IFT81: variants seen among roughly 807,000 people sequenced by gnomAD.
IFT81 encodes intraflagellar transport protein 81 homolog.
Under a neutral mutation model 102.6 loss-of-function variants are expected in IFT81, and 72 were observed. That is an observed-to-expected ratio of 0.70 (90% CI 0.58 to 0.85). IFT81 has a LOEUF of 0.85. Ranked by LOEUF, IFT81 falls within the 40% of genes least tolerant of loss-of-function variation. The probability of loss-of-function intolerance (pLI) is 0.00; values close to 1 mark genes in which losing one functional copy is unlikely to be tolerated. For missense variants in IFT81, 723 were observed against 787.3 expected, an observed-to-expected ratio of 0.92 and a Z score of 0.98; for synonymous variants, 237 against 242.7, an observed-to-expected ratio of 0.98 and a Z score of 0.22.
At chr12:110,163,201 G>A in intron 11 of IFT81, 136 bp downstream of exon 11, 1 of 648,788 alleles carries the variant, frequency 1.5e-6, no homozygotes, top group East Asian at 2.9e-5. Flanking sequence ...TAAAACTGAA[G>A]AGTCTTTTTG....
At chr12:110,157,068 G>T (rs114311027) in intron 10 of IFT81, among the ~76,000 whole-genome samples, 1 of 151,510 alleles carries the variant, frequency 6.6e-6, no homozygotes, top group Non-Finnish European at 1.5e-5. Flanking sequence ...AGGCCTTAGA[G>T]GCCAGACACG....
intron 14 of IFT81, among the ~76,000 whole-genome samples, chr12:110,199,351 T>C (rs1898157066): frequency 6.6e-6 from 1 of 152,168 alleles, no homozygotes; most frequent in Admixed American, 6.5e-5. Flanking sequence ...ATGGAAGGTG[T>C]ACACCTCTAC....
At chr12:110,198,895 C>A (rs182157890) in intron 14 of IFT81, among the ~76,000 whole-genome samples, 1 of 151,630 alleles carries the variant, frequency 6.6e-6, no homozygotes, top group Non-Finnish European at 1.5e-5. Context: ...CTGCAACCTC[C>A]GTGTCCCGGG....
intron 12 of IFT81, among the ~76,000 whole-genome samples, chr12:110,184,175 C>G (rs922447833): frequency 2.0e-5 from 3 of 152,010 alleles, no homozygotes; most frequent in African/African-American, 7.3e-5. Flanking sequence ...ACGGTGAAAC[C>G]CTGTATTTAC....
At chr12:110,159,409 A>G (rs897052499) in intron 10 of IFT81, among the ~76,000 whole-genome samples, 1 of 152,150 alleles carries the variant, frequency 6.6e-6, no homozygotes, top group African/African-American at 2.4e-5. Context: ...GCAGTGAGCC[A>G]AGATTGGGCC....
At chr12:110,169,406 G>C (rs1197071849) in intron 11 of IFT81, among the ~76,000 whole-genome samples, 2 of 152,114 alleles carry the variant, frequency 1.3e-5, no homozygotes, top group African/African-American at 4.8e-5. Context: ...AGTTCTCCCA[G>C]TGAATCACTG....
intron 11 of IFT81, chr12:110,167,827 A>T: frequency 3.2e-5 from 9 of 281,234 alleles, no homozygotes; most frequent in South Asian, 9.4e-5. Flanking sequence ...TGTAAGTACA[A>T]TTTTTTTTTA....
chr12:110,145,127 G>A (rs1895143810), intron 9 of IFT81, among the ~76,000 whole-genome samples: 1 of 148,400 alleles, frequency 6.7e-6, no homozygotes, highest in Non-Finnish European at 1.5e-5. Flanking sequence ...CCATCTCCCA[G>A]GCTCAAGTGA....
chr12:110,207,336 A>C (rs1426089659), intron 17 of IFT81, among the ~76,000 whole-genome samples: 1 of 152,172 alleles, frequency 6.6e-6, no homozygotes, highest in Middle Eastern at 3.2e-3. Flanking sequence ...CTGGGATTAC[A>C]GGCATGAGCC....
At position 110,129,203 on chromosome 12, in the gene IFT81, C is replaced by CT. The variant is rs927619375; in HGVS notation, c.429+80dup. 2.5e-5 allele frequency: 29 copies of CT among 1,155,938 alleles called. No individual in the cohort carries two copies. In the African/African-American group the frequency reaches 4.0e-4, roughly 16 times the overall value. The allele number at this position is 1,155,938 out of a possible 1,614,324, so 71.6% of individuals were successfully genotyped here. A position where few individuals can be genotyped will look rare whatever the true frequency, so the allele number is the denominator to read the frequency against. On this transcript the variant is annotated intron_variant, in intron 4 of 18. Coordinates refer to ENST00000242591, the MANE Select transcript of IFT81 (RefSeq NM_014055.4). Reference sequence around the variant, plus strand: ...TGTATATATTCAAATACATGTTACTCTTTTTTTATTTGCTGTCTTTGTAGT... The same window carrying CT: ...TGTATATATTCAAATACATGTTACTCTTTTTTTTATTTGCTGTCTTTGTAGT...
intron 10 of IFT81, among the ~76,000 whole-genome samples, chr12:110,152,729 A>G (rs1324433195): frequency 6.6e-6 from 1 of 151,860 alleles, no homozygotes; most frequent in Non-Finnish European, 1.5e-5. Flanking sequence ...CAGTCTCCCA[A>G]GTAGCTGAGA....
At chr12:110,155,007 T>G (rs1895762189) in intron 10 of IFT81, among the ~76,000 whole-genome samples, 1 of 150,208 alleles carries the variant, frequency 6.7e-6, no homozygotes, top group African/African-American at 2.4e-5. Flanking sequence ...AATTGTCTTT[T>G]TCTGTGTTCA....
At chr12:110,126,793 A>G (rs1593270091) in intron 1 of IFT81, among the ~76,000 whole-genome samples, 1 of 152,206 alleles carries the variant, frequency 6.6e-6, no homozygotes, top group Admixed American at 6.5e-5. Flanking sequence ...GTGGATGCCT[A>G]CCGGCCACAC....
intron 7 of IFT81, 124 bp downstream of exon 7, chr12:110,135,561 C>G (rs959455012): frequency 1.7e-6 from 1 of 596,330 alleles, no homozygotes; most frequent in Non-Finnish European, 3.0e-6. Flanking sequence ...TAATGGAATA[C>G]TCTTTTAATT....
chr12:110,204,372 AT>A (rs752042814), intron 15 of IFT81: 1 of 157,172 alleles, frequency 6.4e-6, no homozygotes, highest in Non-Finnish European at 1.4e-5. Flanking sequence ...CCTAAGGTTT[AT>A]TCTTCATAGG....
chr12:110,158,700 C>T (rs1238413072), intron 10 of IFT81, among the ~76,000 whole-genome samples: 1 of 152,190 alleles, frequency 6.6e-6, no homozygotes, highest in Non-Finnish European at 1.5e-5. Flanking sequence ...CGCCATTCTC[C>T]TGCCTCAGCC....
chr12:110,218,138 G>A lies in IFT81; in HGVS notation c.1943G>A (p.Cys648Tyr), dbSNP rs150790899. The A allele has an allele frequency of 6.3e-7, 1 of 1,595,130 alleles. No homozygotes were observed. The highest frequency in any genetic ancestry group is 2.2e-5 in the East Asian group (1 of 44,460). The change falls in exon 19 of 19, where the codon TGT (cysteine) becomes TAT (tyrosine). Residue 648 changes from cysteine to tyrosine, a missense_variant. Physicochemically the swap from Cys to Tyr is radical, Grantham distance 194. Coordinates refer to ENST00000242591, the MANE Select transcript of IFT81 (RefSeq NM_014055.4). ...CGTGATTTGGAACAATTAATGGAATGTAAGAAACAGTGCTTTCTGAAACAA... is the reference window on the plus strand; with the variant it reads ...CGTGATTTGGAACAATTAATGGAATATAAGAAACAGTGCTTTCTGAAACAA... The part of the protein sequence containing the change: ...MWRDLEQLME[C>Y]KKQCFLKQQS...
chr12:110,124,984 C>G (rs1479499841), intron 1 of IFT81, 123 bp downstream of exon 1: 1 of 152,210 alleles, frequency 6.6e-6, no homozygotes, highest in East Asian at 1.9e-4. Flanking sequence ...ACATCTTTGT[C>G]CTTATCGAGT....
In IFT81 at chr12:110,205,257, G is replaced by T. The variant is rs895689055; in HGVS notation, c.1645-186G>T. On this transcript the variant is annotated intron_variant, in intron 15 of 18. Transcript: ENST00000242591. ...TCAAAAAATACAATTGAACTTGCAG[G>T]TTATAGAGTGATATGTGTATTCTCT... The T allele has an allele frequency of 5.8e-6, 3 of 513,580 alleles. No homozygotes were observed. In the African/African-American group the frequency reaches 6.0e-5, roughly 10 times the overall value. 31.8% of individuals were successfully genotyped at this position (513,580 alleles called of 1,614,324 possible).
Sources: gnomAD v4.1 joint callset for allele counts (sites outside exome capture counted in the v4.1 genomes callset) on GRCh38, gnomAD v4.1.1 for gene constraint, MANE v1.5 for transcripts, NCBI Gene and HGNC (gene_info 2026-07-23, HGNC 2026-07-21) for gene names.